The following VCAM1 variants were observed in gnomAD, a reference collection of about 807,000 sequenced individuals.
VCAM1 encodes vascular cell adhesion protein 1.
Under a neutral mutation model 63.8 loss-of-function variants are expected in VCAM1, and 41 were observed. The ratio of observed to expected loss-of-function variants is 0.64; its 90% CI spans 0.50 to 0.83. The LOEUF is 0.83. VCAM1 is among the 40% of genes least tolerant of loss of function. The probability of loss-of-function intolerance (pLI) is 0.00; values close to 1 mark genes in which losing one functional copy is unlikely to be tolerated. For synonymous variants in VCAM1, 338 were observed against 320.7 expected (o/e 1.05, Z -0.58); for missense variants, 798 against 875.5 (o/e 0.91, Z 1.12).
At position 100,731,323 on chromosome 1, in the gene VCAM1, G is replaced by GA; in HGVS notation, c.1331dup (p.Thr445AspfsTer31). On this transcript the variant is annotated frameshift_variant, in exon 6 of 9. Coordinates refer to ENST00000294728, the MANE Select transcript of VCAM1 (RefSeq NM_001078.4). LOFTEE classifies it high-confidence loss of function. This position sits in a 1 kb window ranked among gnomAD's most constrained non-coding sequence, Gnocchi z 4.2. ...GCTGGAGATTGAATTACTTAAGGGG[G>GA]AGACTATTCTGGAGAATATAGAGTT... The GA allele has an allele frequency of 6.2e-7, 1 of 1,613,830 alleles. No homozygotes were observed. Among genetic ancestry groups the GA allele is most frequent in the Non-Finnish European group, 8.5e-7 (1 of 1,179,856 alleles).
At chr1:100,724,092 A>G (rs1475275556) in intron 3 of VCAM1, among the ~76,000 whole-genome samples, 1 of 152,126 alleles carries the variant, frequency 6.6e-6, no homozygotes, top group African/African-American at 2.4e-5. Flanking sequence ...CCTGGCTGGA[A>G]AAGACATCTA....
At chr1:100,721,739 A>G (rs1350973025) in intron 2 of VCAM1, among the ~76,000 whole-genome samples, 2 of 152,038 alleles carry the variant, frequency 1.3e-5, no homozygotes, top group Non-Finnish European at 2.9e-5. Flanking sequence ...GTATGTGCAT[A>G]GTTTATGTCT....
chr1:100,720,436 C>A, intron 1 of VCAM1, 40 bp from the exon 2 acceptor site: 2 of 1,588,176 alleles, frequency 1.3e-6, no homozygotes, highest in Non-Finnish European at 1.7e-6. Context: ...ACTAGACAAA[C>A]TAGTGGTAAA....
chr1:100,720,469 T>G lies in VCAM1; in HGVS notation c.65-7T>G. 1 of 1,601,948 alleles carries G rather than the reference T, an allele frequency of 6.2e-7. No homozygotes were observed. The highest frequency in any genetic ancestry group is 2.2e-5 in the East Asian group (1 of 44,626). ...AAATTTGCTTCTGTCTTTTTTTGCT[T>G]TTGCAGCTCAAGCTTTTAAAATCGA... is the stretch of plus-strand genomic sequence containing the variant. On this transcript the variant is annotated splice_region_variant and splice_polypyrimidine_tract_variant and intron_variant, in intron 1 of 8. Transcript: ENST00000294728.
chr1:100,731,585 T>C lies in VCAM1; in HGVS notation c.1525+67T>C. ...CTTTATCGTGTTTGCCAGGCAATAG[T>C]TAACATAAGGTTAATCGTTAAAACC... On this transcript the variant is annotated intron_variant, in intron 6 of 8. Transcript: ENST00000294728. This position sits in a 1 kb window ranked among gnomAD's most constrained non-coding sequence, Gnocchi z 4.2. The C allele has an allele frequency of 7.0e-7, 1 of 1,431,634 alleles. No homozygotes were observed. The highest frequency in any genetic ancestry group is 9.5e-7 in the Non-Finnish European group (1 of 1,051,262). The allele number at this position is 1,431,634 out of a possible 1,614,324, so 88.7% of individuals were successfully genotyped here.
Position 100,733,578 on chromosome 1 carries a change from T to C in VCAM1, c.1792+894T>C, listed in dbSNP as rs918710639. On this transcript the variant is annotated intron_variant, in intron 7 of 8. Coordinates refer to ENST00000294728, the MANE Select transcript of VCAM1 (RefSeq NM_001078.4). ...ATGGGGAAAGAATTTCAAATCAACT[T>C]ACAAAATAGAAGACCTTAATAGGGA... Among the ~76,000 whole-genome samples the C allele has an allele frequency of 2.0e-5, 3 of 152,286 alleles. No individual in the cohort carries two copies. In the East Asian group the frequency reaches 5.8e-4, roughly 29 times the overall value.
At chr1:100,729,928 T>C (rs1050671757) in intron 5 of VCAM1, among the ~76,000 whole-genome samples, 17 of 152,136 alleles carry the variant, frequency 1.1e-4, no homozygotes, top group African/African-American at 3.9e-4. Context: ...TAGATCTTAA[T>C]GTTGATTTAT....
At chr1:100,734,232 C>T (rs892035292) in intron 7 of VCAM1, among the ~76,000 whole-genome samples, 1 of 152,142 alleles carries the variant, frequency 6.6e-6, no homozygotes, top group African/African-American at 2.4e-5. Context: ...CAGAGCCAAA[C>T]CATATCAAAC....
chr1:100,727,425 A>T (rs1660211719), intron 4 of VCAM1, among the ~76,000 whole-genome samples: 1 of 152,112 alleles, frequency 6.6e-6, no homozygotes, highest in Non-Finnish European at 1.5e-5. Flanking sequence ...TTCTCAAGTG[A>T]CCAGGAAAGA....
At chr1:100,733,113 G>A (rs1571461332) in intron 7 of VCAM1, among the ~76,000 whole-genome samples, 1 of 152,316 alleles carries the variant, frequency 6.6e-6, no homozygotes, top group South Asian at 2.1e-4. Context: ...TGGCACTTAA[G>A]TCTTTTGCAA....
At chr1:100,737,204 A>G (rs913061825) in intron 8 of VCAM1, 1 of 152,178 alleles carries the variant, frequency 6.6e-6, no homozygotes, top group East Asian at 1.9e-4. Flanking sequence ...TAGTGTTTAA[A>G]AAATATTGTT....
chr1:100,734,518 A>G lies in VCAM1; in HGVS notation c.1809A>G (p.Ile603Met). ...ELIIQVTPKD[I>M]KLTAFPSESV... is the part of the protein sequence containing the mutation. ...TCTTTACAGTTACTCCAAAAGACAT[A>G]AAACTTACAGCTTTTCCTTCTGAGA... The change falls in exon 8 of 9, where the codon ATA becomes ATG. Residue 603 changes from isoleucine (I) to methionine (M), a missense_variant. Transcript: ENST00000294728. 6.2e-6 allele frequency: 10 copies of G among 1,612,848 alleles called. No individual in the cohort carries two copies. Among genetic ancestry groups the G allele is most frequent in the Non-Finnish European group, 8.5e-6 (10 of 1,179,556 alleles).
chr1:100,727,764 T>TA (rs1257890958), intron 4 of VCAM1, among the ~76,000 whole-genome samples: 1 of 152,084 alleles, frequency 6.6e-6, no homozygotes, highest in African/African-American at 2.4e-5. Context: ...CACTAGCATA[T>TA]AAAAAATTCA....
At chr1:100,729,735 G>A (rs568911713) in intron 5 of VCAM1, among the ~76,000 whole-genome samples, 11 of 152,164 alleles carry the variant, frequency 7.2e-5, no homozygotes, top group Non-Finnish European at 1.3e-4. Context: ...TTGGGAATGA[G>A]TAGTTTTAAA....
rs112219976 is a variant in VCAM1 at position 100,734,901 on chromosome 1, A to G, written c.2059+133A>G. On this transcript the variant is annotated intron_variant, in intron 8 of 8. Coordinates refer to ENST00000294728, the MANE Select transcript of VCAM1 (RefSeq NM_001078.4). ...TTATTTCTTAAGGATTCTTGGAAAA[A>G]TCAAGCACAGCTGCTTTATCCTATA... is the stretch of plus-strand genomic sequence containing the variant. 35 of 1,131,772 alleles carry G rather than the reference A, an allele frequency of 3.1e-5. No individual in the cohort carries two copies. In the African/African-American group the frequency reaches 4.9e-4, roughly 16 times the overall value. 70.1% of individuals were successfully genotyped at this position (1,131,772 alleles called of 1,614,324 possible). A position where few individuals can be genotyped will look rare whatever the true frequency, so the allele number is the denominator to read the frequency against.
At position 100,734,808 on chromosome 1, in the gene VCAM1, C is replaced by G. The variant is rs772641338; in HGVS notation, c.2059+40C>G. On this transcript the variant is annotated intron_variant, in intron 8 of 8. Coordinates refer to ENST00000294728, the MANE Select transcript of VCAM1 (RefSeq NM_001078.4). ...AGTTTTTGTTTTCTTGGTAATAGTT[C>G]AGAGGTTCCAAGGATTACTAAGAGT... 4 of 1,601,604 alleles carry G rather than the reference C, an allele frequency of 2.5e-6. No individual in the cohort carries two copies. In the South Asian group the frequency reaches 4.5e-5, roughly 18 times the overall value.
chr1:100,730,932 C>A (rs1660430413), intron 5 of VCAM1, among the ~76,000 whole-genome samples: 1 of 151,950 alleles, frequency 6.6e-6, no homozygotes, highest in African/African-American at 2.4e-5. Flanking sequence ...TGGCACACAG[C>A]AAGATTGCAT....
At position 100,729,373 on chromosome 1, in the gene VCAM1, G is replaced by C. The variant is rs1327695769; in HGVS notation, c.1195G>C (p.Glu399Gln). 16 of 1,593,642 alleles carry C rather than the reference G, an allele frequency of 1.0e-5. No homozygotes were observed. The highest frequency in any genetic ancestry group is 1.4e-5 in the Non-Finnish European group (16 of 1,170,792). ...HKKLEKGIQV[E>Q]LYSFPRDPEI... Reference sequence around the variant, plus strand: ...GAAACTGGAAAAGGGAATCCAGGTGGAGCTCTACTGTAAGTGGTTTTCAGA... The same window carrying C: ...GAAACTGGAAAAGGGAATCCAGGTGCAGCTCTACTGTAAGTGGTTTTCAGA... The change falls in exon 5 of 9, where the codon GAG (glutamate) becomes CAG (glutamine). Residue 399 changes from glutamate (E) to glutamine (Q), a missense_variant. Coordinates refer to ENST00000294728, the MANE Select transcript of VCAM1 (RefSeq NM_001078.4).
intron 7 of VCAM1, among the ~76,000 whole-genome samples, chr1:100,732,915 C>G (rs1660515493): frequency 6.6e-6 from 1 of 152,140 alleles, no homozygotes; most frequent in Non-Finnish European, 1.5e-5. Context: ...GAAATGCAAG[C>G]CTTCAGGACC....
Sources: gnomAD v4.1 joint callset for allele counts (sites outside exome capture counted in the v4.1 genomes callset) on GRCh38, gnomAD v4.1.1 for gene constraint, Gnocchi (gnomAD v3.1) non-coding constraint, MANE v1.5 for transcripts, NCBI Gene and HGNC (gene_info 2026-07-23, HGNC 2026-07-21) for gene names.